IGFBP2: variants seen among roughly 807,000 people sequenced by gnomAD.
IGFBP2 encodes insulin like growth factor binding protein 2.
A neutral mutation model predicts 26.2 loss-of-function variants in IGFBP2; 12 were observed. The ratio of observed to expected loss-of-function variants is 0.46; its 90% CI spans 0.29 to 0.74. The LOEUF is 0.74. Ranked by LOEUF, IGFBP2 falls within the 30% of genes least tolerant of loss-of-function variation. IGFBP2 has a pLI of 0.09. For missense variants in IGFBP2, 328 were observed against 441.2 expected (o/e 0.74, Z 2.30); for synonymous variants, 189 against 200.6 (o/e 0.94, Z 0.49).
chr2:216,661,634 A>G (rs1688651656), intron 2 of IGFBP2: 1 of 625,962 alleles, frequency 1.6e-6, no homozygotes, highest in African/African-American at 1.8e-5. Context: ...AGAGGAGTGA[A>G]CATTCCCATC....
At chr2:216,641,833 G>T (rs2106191437) in intron 1 of IGFBP2, among the ~76,000 whole-genome samples, 1 of 147,288 alleles carries the variant, frequency 6.8e-6, no homozygotes, top group Non-Finnish European at 1.5e-5. Flanking sequence ...GGGACTACAG[G>T]CACCCGCCAC....
chr2:216,654,909 T>C (rs1697889636), intron 1 of IGFBP2, among the ~76,000 whole-genome samples: 1 of 152,166 alleles, frequency 6.6e-6, no homozygotes, highest in Non-Finnish European at 1.5e-5. Flanking sequence ...GAAATCAACT[T>C]TGTCCTCCTG....
chr2:216,654,290 T>C (rs1055952464), intron 1 of IGFBP2, among the ~76,000 whole-genome samples: 11 of 152,210 alleles, frequency 7.2e-5, no homozygotes, highest in African/African-American at 2.4e-4. Context: ...TGGAAGTGGC[T>C]AAGAGCTAAC....
chr2:216,657,450 C>G (rs984359071), intron 1 of IGFBP2, among the ~76,000 whole-genome samples: 2 of 152,150 alleles, frequency 1.3e-5, no homozygotes, highest in African/African-American at 4.8e-5. Context: ...CTCTGGGGTC[C>G]ATCTGAAGAG....
chr2:216,640,561 C>A (rs1697591625), intron 1 of IGFBP2, among the ~76,000 whole-genome samples: 1 of 152,148 alleles, frequency 6.6e-6, no homozygotes, highest in Non-Finnish European at 1.5e-5. Flanking sequence ...TCTGTGCCTG[C>A]TTTGTCTCCT....
chr2:216,639,216 G>T (rs1462189041), intron 1 of IGFBP2, among the ~76,000 whole-genome samples: 1 of 151,780 alleles, frequency 6.6e-6, no homozygotes, highest in Admixed American at 6.6e-5. Flanking sequence ...TGTATTTTTA[G>T]TAGAGGCAGG....
intron 1 of IGFBP2, among the ~76,000 whole-genome samples, chr2:216,636,995 G>A (rs9341108): frequency 6.6e-6 from 1 of 152,130 alleles, no homozygotes; most frequent in South Asian, 2.1e-4. Flanking sequence ...AAGAATAAAG[G>A]GGGGAAGAGG....
intron 1 of IGFBP2, among the ~76,000 whole-genome samples, chr2:216,655,423 C>T (rs536052876): frequency 6.6e-5 from 10 of 152,250 alleles, no homozygotes; most frequent in Admixed American, 2.6e-4. Flanking sequence ...AGCTCTTCCC[C>T]GCTTCACCTG....
chr2:216,645,203 G>T (rs1326382825), intron 1 of IGFBP2, among the ~76,000 whole-genome samples: 1 of 152,228 alleles, frequency 6.6e-6, no homozygotes, highest in African/African-American at 2.4e-5. Flanking sequence ...TATAGCAACA[G>T]TGGTGGGAGG....
intron 1 of IGFBP2, among the ~76,000 whole-genome samples, chr2:216,639,793 C>T (rs1040446278): frequency 2.6e-5 from 4 of 152,058 alleles, no homozygotes; most frequent in African/African-American, 9.7e-5. Flanking sequence ...TAGACACCTG[C>T]CACCATGCCT....
chr2:216,637,136 A>G (rs1032121881), intron 1 of IGFBP2, among the ~76,000 whole-genome samples: 10 of 152,214 alleles, frequency 6.6e-5, no homozygotes, highest in African/African-American at 2.2e-4. Context: ...AAAGTCGTAA[A>G]ATAGACTAGG....
Position 216,649,547 on chromosome 2 carries a change from CT to C in IGFBP2, c.443-11007del, listed in dbSNP as rs1559177492. 6.6e-5 allele frequency among the ~76,000 whole-genome samples: 10 copies of C among 152,308 alleles called. 1 individual carries two copies. The South Asian group carries it at 2.1e-3, about 32-fold the overall frequency. The stretch of plus-strand genomic sequence containing the variant: ...GTCACCTTGCCAGGTTCCTGGATGG[CT>C]TTAGTTGAACCCAAGGAGAAATGTT... On this transcript the variant is annotated intron_variant, in intron 1 of 3. Transcript: ENST00000233809.
chr2:216,657,541 T>C (rs2106204104), intron 1 of IGFBP2, among the ~76,000 whole-genome samples: 2 of 152,308 alleles, frequency 1.3e-5, no homozygotes, highest in African/African-American at 4.8e-5. Flanking sequence ...TCAGCGTCCC[T>C]GTTCTTGGGA....
chr2:216,659,292 A>G (rs1697984119), intron 1 of IGFBP2, among the ~76,000 whole-genome samples: 1 of 152,206 alleles, frequency 6.6e-6, no homozygotes, highest in Non-Finnish European at 1.5e-5. Context: ...ATACTCTTGT[A>G]TAGAGTTACT....
At chr2:216,634,625 G>A (rs1697456096) in intron 1 of IGFBP2, among the ~76,000 whole-genome samples, 1 of 152,192 alleles carries the variant, frequency 6.6e-6, no homozygotes, top group Non-Finnish European at 1.5e-5. Flanking sequence ...GGTAGGCGAG[G>A]GGTCTCCTAG....
At chr2:216,638,876 T>A (rs570397269) in intron 1 of IGFBP2, among the ~76,000 whole-genome samples, 2 of 149,966 alleles carry the variant, frequency 1.3e-5, no homozygotes, top group Non-Finnish European at 3.0e-5. Flanking sequence ...ACTTTTTGTA[T>A]TTTTTAGTAG....
At chr2:216,659,581 C>T in intron 1 of IGFBP2, 1 of 699,288 alleles carries the variant, frequency 1.4e-6, no homozygotes, top group Non-Finnish European at 2.5e-6. Flanking sequence ...CAGATCCTCT[C>T]TGCCTCCTTT....
At position 216,656,250 on chromosome 2, in the gene IGFBP2, G is replaced by A. The variant is rs151165446; in HGVS notation, c.443-4307G>A. On this transcript the variant is annotated intron_variant, in intron 1 of 3. Transcript: ENST00000233809. Reference sequence around the variant, plus strand: ...ACTGTCTGTGGTACAAGAGGGCTTCGTGAAGATGGGGAGCTGCAGGCTGAA... The same window carrying A: ...ACTGTCTGTGGTACAAGAGGGCTTCATGAAGATGGGGAGCTGCAGGCTGAA... Among the ~76,000 whole-genome samples the A allele has an allele frequency of 2.7e-3, 408 of 152,316 alleles. 1 individual carries two copies. The highest frequency in any genetic ancestry group is 8.3e-3 in the African/African-American group (343 of 41,562).
chr2:216,634,126 G>A (rs983622542), intron 1 of IGFBP2, among the ~76,000 whole-genome samples, 161 bp downstream of exon 1: 1 of 152,246 alleles, frequency 6.6e-6, no homozygotes, highest in Non-Finnish European at 1.5e-5. Context: ...TCAGGCCCGG[G>A]GAGGGGAACT....
Sources: gnomAD v4.1 joint callset for allele counts (sites outside exome capture counted in the v4.1 genomes callset) on GRCh38, gnomAD v4.1.1 for gene constraint, MANE v1.5 for transcripts, NCBI Gene and HGNC (gene_info 2026-07-23, HGNC 2026-07-21) for gene names.